Variants in DCT observed in about 807,000 individuals in gnomAD.
DCT encodes the protein dopachrome tautomerase, also known as L-dopachrome tautomerase.
Under a neutral mutation model 53.0 loss-of-function variants are expected in DCT, and 47 were observed. The observed-to-expected ratio is 0.89, with a 90% CI of 0.70 to 1.13. The LOEUF (loss-of-function observed/expected upper bound fraction) is 1.13. Among genes scored for constraint, DCT ranks in the 50% most tolerant of loss-of-function variants. The probability of loss-of-function intolerance (pLI) is 0.00; values close to 1 mark genes in which losing one functional copy is unlikely to be tolerated. For missense variants in DCT, 669 were observed against 637.4 expected (o/e 1.05, Z -0.53); for synonymous variants, 244 against 237.0 (o/e 1.03, Z -0.27).
chr13:94,528,182 C>T, the DCT span, among the ~76,000 whole-genome samples: 1 of 152,094 alleles, frequency 6.6e-6, no homozygotes, highest in African/African-American at 2.4e-5. Flanking sequence ...CAAAAAGTGA[C>T]GGGGAGAATG....
rs761128951 is a variant in DCT at position 94,443,637 on chromosome 13, C to A, written c.1180G>T (p.Val394Phe). Residue 394 changes from valine (V) to phenylalanine (F), a missense_variant and splice_region_variant, in exon 7 of 8, where the codon GTT becomes TTT. Coordinates refer to ENST00000377028, the MANE Select transcript of DCT (RefSeq NM_001922.5). Reference protein sequence around the residue: ...HSAANDPIFVVLHSFTDAIFD... With the variant: ...HSAANDPIFVFLHSFTDAIFD... ...ATGGCATCAGTAAAGGAATGAAGAA[C>A]CTGCAAAACAGTTGGACACAGCATT... 6.2e-7 allele frequency: 1 copy of A among 1,612,432 alleles called. No homozygotes were observed. The highest frequency in any genetic ancestry group is 8.5e-7 in the Non-Finnish European group (1 of 1,178,950).
At chr13:94,495,403 G>A in the DCT span, among the ~76,000 whole-genome samples, 271 of 152,214 alleles carry the variant, frequency 1.8e-3, 4 homozygotes, top group Admixed American at 0.013. Flanking sequence ...GGCCTTACAT[G>A]CTTATTTTTA....
At chr13:94,530,311 C>G in the DCT span, among the ~76,000 whole-genome samples, 140 of 152,262 alleles carry the variant, frequency 9.2e-4, no homozygotes, top group Non-Finnish European at 1.8e-3. Context: ...ATCCTGATAC[C>G]AAAGACTGGT....
intron 6 of DCT, among the ~76,000 whole-genome samples, chr13:94,458,481 A>G (rs1395519420): frequency 1.3e-5 from 2 of 152,148 alleles, no homozygotes; most frequent in African/African-American, 2.4e-5. Context: ...TGTTTGTCTT[A>G]GAAAAGTTCA....
chr13:94,498,781 G>A, the DCT span, among the ~76,000 whole-genome samples: 1 of 152,194 alleles, frequency 6.6e-6, no homozygotes, highest in Non-Finnish European at 1.5e-5. Flanking sequence ...TCAGTGCTCT[G>A]TGTCTAGCTA....
In DCT at chr13:94,447,109, C is replaced by G. The variant is rs141890638; in HGVS notation, c.1180-3472G>C. ...AAGTGACTTGCCTAAGGTCACACAG[C>G]TAATATATGGTAGAGTAAGAATTTG... is the stretch of plus-strand genomic sequence containing the variant. On this transcript the variant is annotated intron_variant, in intron 6 of 7. Coordinates refer to ENST00000377028, the MANE Select transcript of DCT (RefSeq NM_001922.5). 3.7e-3 allele frequency among the ~76,000 whole-genome samples: 567 copies of G among 152,264 alleles called. 7 individuals are homozygous for G. The highest frequency in any genetic ancestry group is 0.013 in the African/African-American group (528 of 41,548).
the DCT span, among the ~76,000 whole-genome samples, chr13:94,489,619 C>T: frequency 2.0e-4 from 31 of 152,266 alleles, no homozygotes; most frequent in East Asian, 5.2e-3. Flanking sequence ...TATATTATTA[C>T]TTGTTTGAAA....
chr13:94,504,955 A>G, the DCT span, among the ~76,000 whole-genome samples: 2 of 151,622 alleles, frequency 1.3e-5, no homozygotes, highest in Non-Finnish European at 1.5e-5. Flanking sequence ...ATCTTCCTCT[A>G]GTCTCTTTGT....
chr13:94,472,678 T>C lies in DCT; in HGVS notation c.296-3633A>G, dbSNP rs1217660830. Among the ~76,000 whole-genome samples, 5 of 141,726 alleles carry C rather than the reference T, an allele frequency of 3.5e-5. No homozygotes were observed. In the East Asian group the frequency reaches 7.3e-4, roughly 21 times the overall value. The allele number at this position is 141,726 out of a possible 152,430, so 93.0% of individuals were successfully genotyped here. On this transcript the variant is annotated intron_variant, in intron 1 of 7. Coordinates refer to ENST00000377028, the MANE Select transcript of DCT (RefSeq NM_001922.5). ...CTCCCTGCAACAACCACCTCCCCGG[T>C]TCAAGCGATTCTCCTGCCTCAGCCT... is the stretch of plus-strand genomic sequence containing the variant.
chr13:94,468,420 T>C (rs2139349607), intron 2 of DCT: 2 of 233,186 alleles, frequency 8.6e-6, no homozygotes, highest in East Asian at 9.1e-5. Flanking sequence ...TCGCAAATAT[T>C]TTCTTCTGAA....
At position 94,439,667 on chromosome 13, in the gene DCT, ATCTT is replaced by A. The variant is rs146386279; in HGVS notation, c.*227_*230del. 19,547 of 347,034 alleles carry A rather than the reference ATCTT, an allele frequency of 0.056. 755 individuals carry two copies. Among genetic ancestry groups the A allele is most frequent in the Non-Finnish European group, 0.076 (14,692 of 193,134 alleles). 21.5% of individuals were successfully genotyped at this position (347,034 alleles called of 1,614,324 possible). On this transcript the variant is annotated 3_prime_UTR_variant, in exon 8 of 8. Transcript: ENST00000377028. ...TTAGATATCACAAATTGTCAGGTCT[ATCTT>A]TATTTGAAGGTAGAGGTAGCCTCAA...
At chr13:94,513,987 CAAAAAAA>C in the DCT span, among the ~76,000 whole-genome samples, 5 of 53,202 alleles carry the variant, frequency 9.4e-5, no homozygotes, top group African/African-American at 2.3e-4. Flanking sequence ...AACTCTGTCT[CAAAAAAA>C]AAAAAAAAAA....
At chr13:94,500,532 C>A in the DCT span, among the ~76,000 whole-genome samples, 4 of 152,150 alleles carry the variant, frequency 2.6e-5, no homozygotes, top group African/African-American at 9.7e-5. Context: ...ATATCACTAC[C>A]ATTCTGCTCT....
chr13:94,462,083 CT>C lies in DCT; in HGVS notation c.969del (p.Asp324ThrfsTer42). The C allele has an allele frequency of 6.2e-7, 1 of 1,613,222 alleles. No homozygotes were observed. Among genetic ancestry groups the C allele is most frequent in the Non-Finnish European group, 8.5e-7 (1 of 1,179,782 alleles). ...TGGAGAGACAGGCAATCTCGTATGT[CT>C]TTTAAGGTTGGCAATTTCATGCTGT... The part of the protein sequence containing the change: ...GRNSMKLPTL[K>X]DIRDCLSLQK... On this transcript the variant is annotated frameshift_variant, in exon 5 of 8. Coordinates refer to ENST00000377028, the MANE Select transcript of DCT (RefSeq NM_001922.5). LOFTEE classifies it high-confidence loss of function.
intron 6 of DCT, chr13:94,452,491 C>A (rs1436735057): frequency 3.2e-6 from 2 of 624,750 alleles, no homozygotes; most frequent in Non-Finnish European, 5.7e-6. Context: ...ATAGGTGACA[C>A]ACAGGTATTA....
intron 4 of DCT, 185 bp downstream of exon 4, chr13:94,465,446 ATT>A: frequency 5.4e-6 from 2 of 367,240 alleles, no homozygotes; most frequent in South Asian, 7.1e-5. Flanking sequence ...TGATTTTGAT[ATT>A]TTTTTTTTAA....
In DCT at chr13:94,462,183, A is replaced by G. The variant is rs1432191971; in HGVS notation, c.870T>C (p.Asp290=). 4.3e-6 allele frequency: 7 copies of G among 1,610,988 alleles called. No individual in the cohort carries two copies. Among genetic ancestry groups the G allele is most frequent in the Non-Finnish European group, 5.9e-6 (7 of 1,177,464 alleles). Residue 290 remains aspartate (D), a synonymous_variant, in exon 5 of 8, where the codon GAT becomes GAC. Transcript: ENST00000377028. The part of the protein sequence containing the change: ...SSWETVCDSL[D]DYNHLVTLCN... ...ACAAGGTGACCAGGTGGTTGTAGTC[A>G]TCCAAGCTAAGATTTGTAATAAGAT... is the stretch of plus-strand genomic sequence containing the variant.
chr13:94,526,407 G>A, the DCT span, among the ~76,000 whole-genome samples: 1 of 152,208 alleles, frequency 6.6e-6, no homozygotes, highest in South Asian at 2.1e-4. Flanking sequence ...AGGCCAAGGT[G>A]AAAGGATCGC....
At chr13:94,533,022 C>A in the DCT span, among the ~76,000 whole-genome samples, 1 of 151,770 alleles carries the variant, frequency 6.6e-6, no homozygotes, top group African/African-American at 2.4e-5. Context: ...CCAAAGGATG[C>A]TTATTAACAT....
Sources: gnomAD v4.1 joint callset for allele counts (sites outside exome capture counted in the v4.1 genomes callset) on GRCh38, gnomAD v4.1.1 for gene constraint, MANE v1.5 for transcripts, NCBI Gene and HGNC (gene_info 2026-07-23, HGNC 2026-07-21) for gene names.